Variants in AGPAT5 observed in about 807,000 individuals in gnomAD.
The protein encoded by AGPAT5 is 1-acyl-sn-glycerol-3-phosphate acyltransferase epsilon.
AGPAT5 carries 46 observed loss-of-function variants against 45.6 expected under a neutral mutation model. The observed-to-expected ratio is 1.01, with a 90% confidence interval of 0.80 to 1.29. The LOEUF (loss-of-function observed/expected upper bound fraction) is 1.29, where lower values mean the gene tolerates loss of function less well. Among genes scored for constraint, AGPAT5 ranks in the 50% most tolerant of loss-of-function variants. The pLI is 0.00. For missense variants in AGPAT5, 673 were observed against 450.7 expected (o/e 1.49, Z -4.47); for synonymous variants, 272 against 167.0 (o/e 1.63, Z -4.85).
chr8:6,728,068 T>C (rs1273606450), intron 2 of AGPAT5, among the ~76,000 whole-genome samples: 1 of 152,222 alleles, frequency 6.6e-6, no homozygotes, highest in South Asian at 2.1e-4. Context: ...CAGTATCTCT[T>C]GGACTACACA....
At chr8:6,726,021 G>A (rs1481845135) in intron 2 of AGPAT5, among the ~76,000 whole-genome samples, 4 of 152,212 alleles carry the variant, frequency 2.6e-5, no homozygotes, top group Non-Finnish European at 5.9e-5. Context: ...TAGGACAAGG[G>A]TTGAAGCTAC....
Position 6,759,619 on chromosome 8 carries a change from G to T in AGPAT5, c.*2231G>T, listed in dbSNP as rs1251240701. On this transcript the variant is annotated 3_prime_UTR_variant, in exon 8 of 8. Transcript: ENST00000285518. ...TTTTATGTTTTTCAGAAAAGGGTGT[G>T]TTTGGATGAAAGTAAAAAAAAAAAT... The T allele has an allele frequency of 6.6e-6, 1 of 151,886 alleles. No homozygotes were observed. Among genetic ancestry groups the T allele is most frequent in the Non-Finnish European group, 1.5e-5 (1 of 67,972 alleles). 9.4% of individuals were successfully genotyped at this position (151,886 alleles called of 1,614,324 possible). A position where few individuals can be genotyped will look rare whatever the true frequency, so the allele number is the denominator to read the frequency against.
At chr8:6,733,214 G>T (rs1282502905) in intron 4 of AGPAT5, among the ~76,000 whole-genome samples, 1 of 152,198 alleles carries the variant, frequency 6.6e-6, no homozygotes, top group Non-Finnish European at 1.5e-5. Context: ...GTTCCCTCCG[G>T]AGACAAAGCA....
chr8:6,736,811 G>C (rs1306912642), intron 4 of AGPAT5, among the ~76,000 whole-genome samples: 1 of 152,240 alleles, frequency 6.6e-6, no homozygotes, highest in African/African-American at 2.4e-5. Context: ...CTTTCACCCT[G>C]AGAGTAGAGC....
At chr8:6,752,612 A>G (rs1056704265) in intron 6 of AGPAT5, among the ~76,000 whole-genome samples, 29 of 152,294 alleles carry the variant, frequency 1.9e-4, no homozygotes, top group Middle Eastern at 3.4e-3. Context: ...ACCTGTACGA[A>G]TAGTTGGAAG....
Position 6,710,661 on chromosome 8 carries a change from A to T in AGPAT5, c.219+1774A>T, listed in dbSNP as rs576587091. Reference sequence around the variant, plus strand: ...TAACAGAGCAGGGTATTTTGAATTTATTAGGGTCTTTTTCTGCAATCTGGG... The same window carrying T: ...TAACAGAGCAGGGTATTTTGAATTTTTTAGGGTCTTTTTCTGCAATCTGGG... On this transcript the variant is annotated intron_variant, in intron 1 of 7. Transcript: ENST00000285518. Among the ~76,000 whole-genome samples, 7 of 152,332 alleles carry T rather than the reference A, an allele frequency of 4.6e-5. No individual in the cohort carries two copies. In the South Asian group the frequency reaches 1.0e-3, roughly 23 times the overall value.
At chr8:6,711,537 T>C (rs1384795312) in intron 1 of AGPAT5, among the ~76,000 whole-genome samples, 1 of 152,248 alleles carries the variant, frequency 6.6e-6, no homozygotes, top group African/African-American at 2.4e-5. Flanking sequence ...TTTGAGACTA[T>C]TGAAAATCCA....
At chr8:6,709,899 A>G (rs1800093108) in intron 1 of AGPAT5, among the ~76,000 whole-genome samples, 1 of 151,782 alleles carries the variant, frequency 6.6e-6, no homozygotes, top group Non-Finnish European at 1.5e-5. Flanking sequence ...GTCTCCTTGG[A>G]AAGAAAAAAA....
intron 1 of AGPAT5, among the ~76,000 whole-genome samples, chr8:6,714,950 A>G (rs1014934404): frequency 9.2e-5 from 14 of 152,124 alleles, no homozygotes; most frequent in Admixed American, 5.9e-4. Context: ...CTATTTTCTC[A>G]TTTTATTATG....
At chr8:6,754,192 A>G (rs775785968) in intron 6 of AGPAT5, among the ~76,000 whole-genome samples, 1 of 152,320 alleles carries the variant, frequency 6.6e-6, no homozygotes, top group African/African-American at 2.4e-5. Flanking sequence ...GGGAGTTTCT[A>G]GTCTCCGTTC....
chr8:6,755,920 T>C (rs1801817983), intron 7 of AGPAT5, among the ~76,000 whole-genome samples: 1 of 152,184 alleles, frequency 6.6e-6, no homozygotes, highest in African/African-American at 2.4e-5. Context: ...CAGGACCACT[T>C]TGGCCCATGG....
chr8:6,745,421 C>T (rs1479075473), intron 5 of AGPAT5, among the ~76,000 whole-genome samples: 1 of 152,210 alleles, frequency 6.6e-6, no homozygotes, highest in East Asian at 1.9e-4. Flanking sequence ...CATCCACTCT[C>T]CAGAAATGAA....
chr8:6,724,097 T>A (rs1800597125), intron 1 of AGPAT5, among the ~76,000 whole-genome samples: 1 of 152,196 alleles, frequency 6.6e-6, no homozygotes, highest in South Asian at 2.1e-4. Context: ...GCAGAAGGAC[T>A]AATACAGGTA....
chr8:6,708,904 T>C lies in AGPAT5; in HGVS notation c.219+17T>C. Reference sequence around the variant, plus strand: ...GGGGTCCAGGTGAGCCGCCTCCCGCTCCCGGGTCTCGGCGTCCACCCGAGC... The same window carrying C: ...GGGGTCCAGGTGAGCCGCCTCCCGCCCCCGGGTCTCGGCGTCCACCCGAGC... On this transcript the variant is annotated intron_variant, in intron 1 of 7. Coordinates refer to ENST00000285518, the MANE Select transcript of AGPAT5 (RefSeq NM_018361.5). 4 of 1,590,364 alleles carry C rather than the reference T, an allele frequency of 2.5e-6. No individual in the cohort carries two copies. The highest frequency in any genetic ancestry group is 3.4e-6 in the Non-Finnish European group (4 of 1,170,332).
In AGPAT5 at chr8:6,760,913, T is replaced by C. The variant is rs530881919; in HGVS notation, c.*3525T>C. Among the ~76,000 whole-genome samples the C allele has an allele frequency of 6.6e-6, 1 of 152,214 alleles. No individual in the cohort carries two copies. Among genetic ancestry groups the C allele is most frequent in the Non-Finnish European group, 1.5e-5 (1 of 68,034 alleles). ...CTGAATTTAAAACCTTCAACTATTATGAAGTGCTCGTCTGTACAATCGCTA... is the reference window on the plus strand; with the variant it reads ...CTGAATTTAAAACCTTCAACTATTACGAAGTGCTCGTCTGTACAATCGCTA... On this transcript the variant is annotated 3_prime_UTR_variant, in exon 8 of 8. Transcript: ENST00000285518.
chr8:6,730,691 A>C lies in AGPAT5; in HGVS notation c.290-20A>C. The C allele has an allele frequency of 6.4e-7, 1 of 1,573,596 alleles. No individual in the cohort carries two copies. The highest frequency in any genetic ancestry group is 8.7e-7 in the Non-Finnish European group (1 of 1,144,636). On this transcript the variant is annotated intron_variant, in intron 2 of 7. Transcript: ENST00000285518. ...TGTGAAGAGCCTCATGTACGCGCTA[A>C]CTGGGTCCTGTCTCTGCAGTTGACT...
At chr8:6,754,983 A>T in intron 6 of AGPAT5, 68 bp from the exon 7 acceptor site, 2 of 1,310,796 alleles carry the variant, frequency 1.5e-6, no homozygotes, top group Non-Finnish European at 2.0e-6. Context: ...CCTTATTTTC[A>T]TTTTTACTTT....
intron 2 of AGPAT5, among the ~76,000 whole-genome samples, chr8:6,728,979 G>A (rs1345946220): frequency 2.0e-5 from 3 of 152,158 alleles, no homozygotes; most frequent in East Asian, 3.8e-4. Flanking sequence ...GGTTGTGTCT[G>A]TCTCTGGGAT....
intron 1 of AGPAT5, among the ~76,000 whole-genome samples, chr8:6,722,257 A>G (rs1028266072): frequency 6.6e-6 from 1 of 152,330 alleles, no homozygotes; most frequent in Non-Finnish European, 1.5e-5. Flanking sequence ...AGTTAGGGGA[A>G]GGGCAGAGAA....
Sources: gnomAD v4.1 joint callset for allele counts (sites outside exome capture counted in the v4.1 genomes callset) on GRCh38, gnomAD v4.1.1 for gene constraint, MANE v1.5 for transcripts, NCBI Gene and HGNC (gene_info 2026-07-23, HGNC 2026-07-21) for gene names.